Variants in CHSY3 observed in about 807,000 individuals in gnomAD.
CHSY3 encodes N-acetylgalactosaminyl-proteoglycan 3-beta-glucuronosyltransferase 3.
Under a neutral mutation model 67.2 loss-of-function variants are expected in CHSY3, and 35 were observed. The ratio of observed to expected loss-of-function variants is 0.52; its 90% confidence interval spans 0.40 to 0.69. The LOEUF (loss-of-function observed/expected upper bound fraction) is 0.69. Among genes scored for constraint, CHSY3 ranks in the 30% least tolerant of loss-of-function variants. CHSY3 has a pLI of 0.00. For missense variants in CHSY3, 1,069 were observed against 1,138.5 expected (o/e 0.94, Z 0.88); for synonymous variants, 474 against 434.7 (o/e 1.09, Z -1.12).
chr5:130,035,532 C>T (rs995758764), intron 2 of CHSY3, among the ~76,000 whole-genome samples: 1 of 152,124 alleles, frequency 6.6e-6, no homozygotes, highest in East Asian at 1.9e-4. Flanking sequence ...CCTATAAATG[C>T]CCCCAGGCTG....
chr5:130,133,054 C>T (rs1392801175), intron 2 of CHSY3, among the ~76,000 whole-genome samples: 3 of 152,110 alleles, frequency 2.0e-5, no homozygotes, highest in Admixed American at 6.5e-5. Context: ...ATAAGAAATG[C>T]CATGCCTCGT....
chr5:129,974,259 A>G (rs1762729121), intron 2 of CHSY3, among the ~76,000 whole-genome samples: 2 of 152,056 alleles, frequency 1.3e-5, no homozygotes, highest in African/African-American at 4.8e-5. Context: ...TGTAAAAGGG[A>G]TGGAATGTGC....
intron 2 of CHSY3, among the ~76,000 whole-genome samples, chr5:130,027,003 A>G (rs1007285906): frequency 1.3e-5 from 2 of 152,140 alleles, no homozygotes; most frequent in African/African-American, 4.8e-5. Context: ...TACAGCCATC[A>G]TCACTAGGGT....
intron 2 of CHSY3, among the ~76,000 whole-genome samples, chr5:130,093,157 A>G (rs184383427): frequency 1.1e-3 from 165 of 152,344 alleles, no homozygotes; most frequent in African/African-American, 3.2e-3. Flanking sequence ...CATTGAATTT[A>G]GAGAGTTTTC....
intron 2 of CHSY3, among the ~76,000 whole-genome samples, chr5:130,082,896 A>T (rs2149687482): frequency 6.6e-6 from 1 of 151,818 alleles, no homozygotes; most frequent in South Asian, 2.1e-4. Flanking sequence ...ACACACACAC[A>T]TATATATATT....
At chr5:130,087,002 C>G (rs1317807124) in intron 2 of CHSY3, among the ~76,000 whole-genome samples, 1 of 152,090 alleles carries the variant, frequency 6.6e-6, no homozygotes, top group Non-Finnish European at 1.5e-5. Context: ...AGCAGCACAT[C>G]AAAAAGCTTA....
intron 2 of CHSY3, among the ~76,000 whole-genome samples, chr5:129,997,161 G>A (rs1265498221): frequency 1.3e-5 from 2 of 149,996 alleles, no homozygotes; most frequent in African/African-American, 4.9e-5. Context: ...TTTCATTCTT[G>A]AGGATGACTT....
chr5:130,000,732 C>CT (rs71000946), intron 2 of CHSY3, among the ~76,000 whole-genome samples: 1,269 of 76,402 alleles, frequency 0.017, 208 homozygotes, highest in African/African-American at 0.058. Flanking sequence ...AACTTTTCTT[C>CT]TTTTTTTTTT....
At chr5:130,020,452 TATATATA>T (rs1311859440) in intron 2 of CHSY3, among the ~76,000 whole-genome samples, 1 of 3,082 alleles carries the variant, frequency 3.2e-4, no homozygotes, top group South Asian at 0.026. Context: ...TATATATATA[TATATATA>T]TATTTTTTTT....
At chr5:130,014,959 T>C (rs980788593) in intron 2 of CHSY3, among the ~76,000 whole-genome samples, 1 of 152,140 alleles carries the variant, frequency 6.6e-6, no homozygotes, top group East Asian at 1.9e-4. Flanking sequence ...AAACCATACA[T>C]CTGACAAAGG....
At chr5:129,913,207 T>C (rs942312505) in intron 2 of CHSY3, among the ~76,000 whole-genome samples, 1 of 152,236 alleles carries the variant, frequency 6.6e-6, no homozygotes, top group African/African-American at 2.4e-5. Context: ...GTTCCCTTCA[T>C]GTCCTCTTAT....
intron 2 of CHSY3, among the ~76,000 whole-genome samples, chr5:130,057,313 A>G (rs1765567140): frequency 6.6e-6 from 1 of 152,026 alleles, no homozygotes; most frequent in African/African-American, 2.4e-5. Context: ...TTGTTTCTGA[A>G]GCTGTTTGTA....
At chr5:129,915,791 A>G (rs929122785) in intron 2 of CHSY3, among the ~76,000 whole-genome samples, 3 of 152,224 alleles carry the variant, frequency 2.0e-5, no homozygotes, top group South Asian at 4.1e-4. Flanking sequence ...AAAAGTATGC[A>G]GAAAATATGA....
At chr5:130,026,036 G>A (rs1764531981) in intron 2 of CHSY3, among the ~76,000 whole-genome samples, 1 of 152,106 alleles carries the variant, frequency 6.6e-6, no homozygotes, top group South Asian at 2.1e-4. Context: ...CTAAGGACCA[G>A]TACAATGAAG....
intron 2 of CHSY3, among the ~76,000 whole-genome samples, chr5:129,950,139 G>T (rs1002514483): frequency 2.8e-5 from 4 of 143,568 alleles, no homozygotes; most frequent in Non-Finnish European, 6.0e-5. Context: ...CTGCACTCCA[G>T]CCTGGTGACA....
chr5:130,071,451 C>A (rs562470509), intron 2 of CHSY3, among the ~76,000 whole-genome samples: 1 of 151,736 alleles, frequency 6.6e-6, no homozygotes, highest in East Asian at 1.9e-4. Context: ...AGACTCATAT[C>A]TGTGGGAGAA....
intron 2 of CHSY3, among the ~76,000 whole-genome samples, chr5:129,996,859 G>A (rs1004461828): frequency 2.0e-5 from 3 of 151,910 alleles, no homozygotes; most frequent in African/African-American, 7.3e-5. Flanking sequence ...TGCTAATTGT[G>A]TATCTTTCCC....
At chr5:129,944,643 A>C (rs992139535) in intron 2 of CHSY3, among the ~76,000 whole-genome samples, 4 of 152,080 alleles carry the variant, frequency 2.6e-5, no homozygotes, top group African/African-American at 9.7e-5. Context: ...CAGTGAACAA[A>C]TTTATTATTT....
chr5:130,075,490 A>G (rs1231137037), intron 2 of CHSY3, among the ~76,000 whole-genome samples: 1 of 152,152 alleles, frequency 6.6e-6, no homozygotes, highest in Non-Finnish European at 1.5e-5. Flanking sequence ...TTATGGGATA[A>G]CTTTTTTCCT....
Sources: allele counts gnomAD v4.1 joint callset (sites outside exome capture counted in the v4.1 genomes callset), GRCh38; gene constraint gnomAD v4.1.1; transcripts MANE v1.5; gene names NCBI Gene and HGNC (gene_info 2026-07-23, HGNC 2026-07-21).